Variants in ESRRG observed in about 807,000 individuals in gnomAD.
ESRRG encodes the protein estrogen related receptor gamma, also known as estrogen-related receptor gamma.
A neutral mutation model predicts 44.0 loss-of-function variants in ESRRG; 13 were observed. The observed-to-expected ratio is 0.30, with a 90% CI of 0.19 to 0.47. The LOEUF (loss-of-function observed/expected upper bound fraction) is 0.47. Ranked by LOEUF, ESRRG falls within the 20% of genes least tolerant of loss-of-function variation. ESRRG has a pLI of 1.00. For missense variants in ESRRG, 395 were observed against 580.6 expected (o/e 0.68, Z 3.29); for synonymous variants, 215 against 214.6 (o/e 1.00, Z -0.02).
chr1:216,740,173 A>T (rs1332319109), intron 2 of ESRRG, among the ~76,000 whole-genome samples: 4 of 152,178 alleles, frequency 2.6e-5, no homozygotes, highest in Admixed American at 2.6e-4. Flanking sequence ...TGTGACATGA[A>T]GTCTTCTATA....
At chr1:216,731,796 C>T (rs368808913) in intron 2 of ESRRG, among the ~76,000 whole-genome samples, 8 of 152,196 alleles carry the variant, frequency 5.3e-5, no homozygotes, top group Non-Finnish European at 4.4e-5. Context: ...TGTTATCTCA[C>T]CTACAGTTTG....
chr1:216,577,176 A>T lies in ESRRG; in HGVS notation c.590-9078T>A, dbSNP rs989466696. 9.2e-5 allele frequency among the ~76,000 whole-genome samples: 14 copies of T among 151,998 alleles called. No individual in the cohort carries two copies. In the South Asian group the frequency reaches 2.5e-3, roughly 27 times the overall value. On this transcript the variant is annotated intron_variant, in intron 3 of 6. Transcript: ENST00000408911. Reference sequence around the variant, plus strand: ...TTTGCTTGATGTCAGAGGGAGAGAGAGAGAGAGAGAGAACGAGAATGAGAA... The same window carrying T: ...TTTGCTTGATGTCAGAGGGAGAGAGTGAGAGAGAGAGAACGAGAATGAGAA...
At chr1:216,850,688 T>C (rs1392965789) in intron 2 of ESRRG, among the ~76,000 whole-genome samples, 4 of 152,094 alleles carry the variant, frequency 2.6e-5, no homozygotes, top group Non-Finnish European at 5.9e-5. Context: ...TGAAAAGATA[T>C]ATATCATTTC....
intron 1 of ESRRG, among the ~76,000 whole-genome samples, chr1:216,940,112 A>G (rs971374292): frequency 5.9e-5 from 9 of 152,216 alleles, no homozygotes; most frequent in African/African-American, 2.2e-4. Flanking sequence ...CATTTCTCCA[A>G]ACGTGAAGGC....
intron 2 of ESRRG, among the ~76,000 whole-genome samples, chr1:216,909,951 C>T (rs371573261): frequency 1.0e-3 from 154 of 152,072 alleles, no homozygotes; most frequent in Middle Eastern, 3.4e-3. Context: ...GAACAAAGAA[C>T]ATTGGATGTA....
intron 2 of ESRRG, among the ~76,000 whole-genome samples, chr1:216,764,587 T>A (rs1322642859): frequency 1.3e-5 from 2 of 152,004 alleles, no homozygotes; most frequent in African/African-American, 4.8e-5. Context: ...GACTCTTAAC[T>A]CCTGGTCTCA....
intron 1 of ESRRG, among the ~76,000 whole-genome samples, chr1:216,709,256 C>G (rs941133321): frequency 2.0e-5 from 3 of 151,264 alleles, no homozygotes; most frequent in Non-Finnish European, 4.4e-5. Context: ...CATATACATG[C>G]AAAAAGCTTA....
intron 1 of ESRRG, among the ~76,000 whole-genome samples, chr1:216,999,332 G>A (rs187396701): frequency 6.6e-4 from 101 of 152,262 alleles, no homozygotes; most frequent in African/African-American, 2.2e-3. Flanking sequence ...CTATCCATAA[G>A]GATACTTAAA....
chr1:216,731,979 C>T (rs1425521892), intron 2 of ESRRG, among the ~76,000 whole-genome samples: 15 of 151,318 alleles, frequency 9.9e-5, no homozygotes, highest in Admixed American at 9.9e-4. Flanking sequence ...GAACGTTAAA[C>T]AAAGAATTGA....
chr1:217,110,594 G>C (rs1470671208), intron 1 of ESRRG, among the ~76,000 whole-genome samples: 1 of 151,566 alleles, frequency 6.6e-6, no homozygotes, highest in Non-Finnish European at 1.5e-5. Context: ...GGAAGGCAAA[G>C]GGGGAGCAGG....
At chr1:216,717,949 G>A (rs1465148026) in intron 1 of ESRRG, among the ~76,000 whole-genome samples, 1 of 151,708 alleles carries the variant, frequency 6.6e-6, no homozygotes, top group Non-Finnish European at 1.5e-5. Context: ...TTGTTTCTTG[G>A]ATATGGGCCC....
At chr1:216,746,322 A>C (rs938827601) in intron 2 of ESRRG, among the ~76,000 whole-genome samples, 1 of 152,186 alleles carries the variant, frequency 6.6e-6, no homozygotes, top group Non-Finnish European at 1.5e-5. Flanking sequence ...AGCAATGTAT[A>C]ATAGAGGAGG....
chr1:216,787,890 G>C (rs749913160), intron 2 of ESRRG, among the ~76,000 whole-genome samples: 2 of 152,084 alleles, frequency 1.3e-5, no homozygotes, highest in Non-Finnish European at 2.9e-5. Context: ...GAAAGTTTGA[G>C]TGCCTAGATA....
chr1:216,572,068 C>A (rs1039681002), intron 3 of ESRRG, among the ~76,000 whole-genome samples: 7 of 152,092 alleles, frequency 4.6e-5, no homozygotes, highest in South Asian at 4.1e-4. Flanking sequence ...AATATTTATA[C>A]TGCTTTTAAC....
intron 3 of ESRRG, among the ~76,000 whole-genome samples, chr1:216,606,483 G>T (rs1277464739): frequency 6.6e-6 from 1 of 152,154 alleles, no homozygotes; most frequent in Non-Finnish European, 1.5e-5. Context: ...ATTGGCCAGA[G>T]ATTAAATCTT....
At chr1:216,770,689 TA>T (rs745737090) in intron 2 of ESRRG, among the ~76,000 whole-genome samples, 2 of 152,142 alleles carry the variant, frequency 1.3e-5, no homozygotes, top group Admixed American at 1.3e-4. Context: ...CTCATCTTTT[TA>T]AAAAACCACA....
chr1:216,811,674 C>T (rs151079648), intron 2 of ESRRG, among the ~76,000 whole-genome samples: 1 of 151,942 alleles, frequency 6.6e-6, no homozygotes, highest in African/African-American at 2.4e-5. Flanking sequence ...CACTTACTAC[C>T]GGAGAACATC....
intron 1 of ESRRG, among the ~76,000 whole-genome samples, chr1:217,080,674 T>G (rs1277854904): frequency 4.5e-4 from 3 of 6,682 alleles, no homozygotes; most frequent in Non-Finnish European, 4.5e-3. Context: ...TTTTTTGGTT[T>G]TTTTTTTTTT....
At chr1:216,768,702 G>A (rs2093233596) in intron 2 of ESRRG, among the ~76,000 whole-genome samples, 1 of 152,114 alleles carries the variant, frequency 6.6e-6, no homozygotes, top group Admixed American at 6.6e-5. Flanking sequence ...TGTTGCTCAA[G>A]CTGGTCTCAA....
Sources: allele counts gnomAD v4.1 joint callset (sites outside exome capture counted in the v4.1 genomes callset), GRCh38; gene constraint gnomAD v4.1.1; transcripts MANE v1.5; gene names NCBI Gene and HGNC (gene_info 2026-07-23, HGNC 2026-07-21).